The following ZSWIM7 variants were observed in gnomAD, a reference collection of about 807,000 sequenced individuals.
The protein encoded by ZSWIM7 is zinc finger SWIM domain-containing protein 7.
A neutral mutation model predicts 21.1 loss-of-function variants in ZSWIM7; 22 were observed. The ratio of observed to expected loss-of-function variants is 1.04; its 90% CI spans 0.74 to 1.49. The LOEUF is 1.49. ZSWIM7 is among the 40% of genes most tolerant of loss of function. The pLI, the probability that ZSWIM7 is intolerant of heterozygous loss-of-function variation, is 0.00. For synonymous variants in ZSWIM7, 67 were observed against 66.5 expected (o/e 1.01, Z -0.04); for missense variants, 193 against 168.0 (o/e 1.15, Z -0.82).
intron 2 of ZSWIM7, among the ~76,000 whole-genome samples, chr17:15,989,663 G>A (rs1007381080): frequency 3.3e-5 from 5 of 151,856 alleles, no homozygotes; most frequent in African/African-American, 1.2e-4. Flanking sequence ...GTCTCTCTCT[G>A]TCACCCAGGC....
chr17:15,993,564 C>T (rs1356283685), intron 2 of ZSWIM7, among the ~76,000 whole-genome samples, 193 bp downstream of exon 2: 3 of 151,898 alleles, frequency 2.0e-5, no homozygotes, highest in Non-Finnish European at 4.4e-5. Context: ...GATGGGGTTT[C>T]ACCATGTTGG....
intron 1 of ZSWIM7, among the ~76,000 whole-genome samples, chr17:15,996,058 TCA>T (rs1387277500): frequency 2.6e-5 from 4 of 152,084 alleles, no homozygotes; most frequent in Non-Finnish European, 5.9e-5. Context: ...AGACAAACAA[TCA>T]CTTAAGTGTA....
intron 3 of ZSWIM7, 128 bp downstream of exon 3, chr17:15,987,138 C>A: frequency 4.7e-6 from 3 of 636,710 alleles, no homozygotes; most frequent in Non-Finnish European, 7.3e-6. Context: ...TTAATTTTAC[C>A]AAGTTGGGGC....
At chr17:15,981,477 G>GA (rs1970355156) in intron 3 of ZSWIM7, among the ~76,000 whole-genome samples, 1 of 148,760 alleles carries the variant, frequency 6.7e-6, no homozygotes, top group African/African-American at 2.5e-5. Flanking sequence ...GTGGGGGGGG[G>GA]GAATCTCTCA....
intron 4 of ZSWIM7, among the ~76,000 whole-genome samples, chr17:15,979,691 A>G (rs867095399): frequency 5.6e-5 from 7 of 124,694 alleles, no homozygotes; most frequent in South Asian, 2.9e-4. Flanking sequence ...CTCCCTCCCG[A>G]ATGGGGCGGC....
chr17:15,991,502 C>A (rs1970481824), intron 2 of ZSWIM7, among the ~76,000 whole-genome samples: 2 of 152,094 alleles, frequency 1.3e-5, no homozygotes, highest in South Asian at 2.1e-4. Flanking sequence ...GTGTCAACTT[C>A]TTTTCTGTGG....
At position 15,981,122 on chromosome 17, in the gene ZSWIM7, G is replaced by A. The variant is rs368522286; in HGVS notation, c.224C>T (p.Thr75Ile). The change falls in exon 4 of 5, where the codon ACA (threonine) becomes ATA (isoleucine). Residue 75 changes from threonine (T) to isoleucine (I), a missense_variant. Physicochemically the swap from Thr to Ile is moderately conservative, Grantham distance 89. Coordinates refer to ENST00000399277, the MANE Select transcript of ZSWIM7 (RefSeq NM_001042697.2). ...ATGACAAGAAGCCAAACATGTGTAT[G>A]TTTTACTGGAACTTCCAAGGACCTA... ...VYQVLGSSSK[T>I]YTCLASCHYC... The A allele has an allele frequency of 1.8e-4, 298 of 1,613,680 alleles. No homozygotes were observed. The highest frequency in any genetic ancestry group is 2.5e-4 in the Non-Finnish European group (291 of 1,179,792).
At chr17:15,989,345 T>G (rs1970453620) in intron 2 of ZSWIM7, among the ~76,000 whole-genome samples, 1 of 151,374 alleles carries the variant, frequency 6.6e-6, no homozygotes, top group Non-Finnish European at 1.5e-5. Context: ...TGAGATGGAG[T>G]CTCACTCTGG....
chr17:15,997,322 T>C (rs887209731), intron 1 of ZSWIM7, among the ~76,000 whole-genome samples: 2 of 152,182 alleles, frequency 1.3e-5, no homozygotes, highest in African/African-American at 4.8e-5. Context: ...CCGAAGGCTC[T>C]AGAGATGTCT....
At chr17:15,979,643 C>T (rs190920983) in intron 4 of ZSWIM7, among the ~76,000 whole-genome samples, 1,297 of 127,084 alleles carry the variant, frequency 0.01, 75 homozygotes, top group African/African-American at 0.038. Context: ...CCCTCCCGGA[C>T]GGGGCGGCTG....
chr17:15,989,428 C>T (rs1386132418), intron 2 of ZSWIM7, among the ~76,000 whole-genome samples: 3 of 151,866 alleles, frequency 2.0e-5, no homozygotes, highest in African/African-American at 7.3e-5. Context: ...AGAGATTCTC[C>T]GGCCCAGCCT....
Position 15,977,412 on chromosome 17 carries a change from A to T in ZSWIM7, c.*635T>A, listed in dbSNP as rs911769397. Reference sequence around the variant, plus strand: ...GTAATTCAGTTAGTTACTTAAGACTAAATAGGGTCAGGCGCAGTGGCTCAT... The same window carrying T: ...GTAATTCAGTTAGTTACTTAAGACTTAATAGGGTCAGGCGCAGTGGCTCAT... On this transcript the variant is annotated 3_prime_UTR_variant, in exon 5 of 5. Coordinates refer to ENST00000399277, the MANE Select transcript of ZSWIM7 (RefSeq NM_001042697.2). 2.0e-5 allele frequency: 3 copies of T among 152,228 alleles called. No homozygotes were observed. Among genetic ancestry groups the T allele is most frequent in the Admixed American group, 2.0e-4 (3 of 15,270 alleles). 9.4% of individuals were successfully genotyped at this position (152,228 alleles called of 1,614,324 possible). A position where few individuals can be genotyped will look rare whatever the true frequency, so the allele number is the denominator to read the frequency against.
intron 4 of ZSWIM7, among the ~76,000 whole-genome samples, chr17:15,979,886 C>T (rs572915678): frequency 4.6e-5 from 2 of 43,394 alleles, no homozygotes; most frequent in South Asian, 5.9e-4. Context: ...CTGACCCCCC[C>T]ACCTCCCTCC....
At chr17:15,979,134 G>A (rs990768066) in intron 4 of ZSWIM7, among the ~76,000 whole-genome samples, 8 of 151,310 alleles carry the variant, frequency 5.3e-5, no homozygotes, top group Non-Finnish European at 1.0e-4. Context: ...AGGACCCTGC[G>A]GCCTTCCGCA....
intron 1 of ZSWIM7, among the ~76,000 whole-genome samples, chr17:15,997,830 C>T (rs1031851598): frequency 1.3e-5 from 2 of 152,074 alleles, no homozygotes; most frequent in East Asian, 1.9e-4. Flanking sequence ...TGGCTGGGCA[C>T]GGTGGCTCAC....
intron 2 of ZSWIM7, 55 bp downstream of exon 2, chr17:15,993,702 G>A: frequency 7.8e-7 from 1 of 1,287,872 alleles, no homozygotes; most frequent in Non-Finnish European, 1.1e-6. Flanking sequence ...GATGTTGAAA[G>A]GATTTTAACA....
intron 3 of ZSWIM7, among the ~76,000 whole-genome samples, chr17:15,981,472 G>C (rs1468480110): frequency 1.3e-5 from 2 of 149,130 alleles, no homozygotes; most frequent in African/African-American, 2.6e-5. Flanking sequence ...AGGAAGTGGG[G>C]GGGGGGAATC....
intron 4 of ZSWIM7, among the ~76,000 whole-genome samples, chr17:15,978,956 TTTTTTAA>T (rs976207125): frequency 2.5e-4 from 38 of 151,648 alleles, no homozygotes; most frequent in African/African-American, 9.0e-4. Flanking sequence ...TCTTTTTTTT[TTTTTTAA>T]TTTTAATTTT....
Position 15,976,684 on chromosome 17 carries a change from C to G in ZSWIM7, c.*1363G>C, listed in dbSNP as rs961584270. 1 of 152,210 alleles carries G rather than the reference C, an allele frequency of 6.6e-6. No homozygotes were observed. The highest frequency in any genetic ancestry group is 2.4e-5 in the African/African-American group (1 of 41,448). The allele number at this position is 152,210 out of a possible 1,614,324, so 9.4% of individuals were successfully genotyped here. A position where few individuals can be genotyped will look rare whatever the true frequency, so the allele number is the denominator to read the frequency against. On this transcript the variant is annotated 3_prime_UTR_variant, in exon 5 of 5. Coordinates refer to ENST00000399277, the MANE Select transcript of ZSWIM7 (RefSeq NM_001042697.2). ...CCTGGGCTTTCCCCCAGCATTCATT[C>G]ACTAGCACCTCATGTTTTGGGGGCA...
Sources: gnomAD v4.1 joint callset for allele counts (sites outside exome capture counted in the v4.1 genomes callset) on GRCh38, gnomAD v4.1.1 for gene constraint, MANE v1.5 for transcripts, NCBI Gene and HGNC (gene_info 2026-07-23, HGNC 2026-07-21) for gene names.